Variants in PPP6R3 observed in about 807,000 individuals in gnomAD.
PPP6R3 encodes the protein protein phosphatase 6 regulatory subunit 3.
PPP6R3 carries 38 observed loss-of-function variants against 110.7 expected under a neutral mutation model. That is an observed-to-expected ratio of 0.34 (90% CI 0.26 to 0.45). PPP6R3 has a LOEUF of 0.45. Among genes scored for constraint, PPP6R3 ranks in the 20% least tolerant of loss-of-function variants. PPP6R3 has a pLI of 1.00. For missense variants in PPP6R3, 870 were observed against 1,062.4 expected (o/e 0.82, Z 2.52); for synonymous variants, 369 against 373.5 (o/e 0.99, Z 0.14).
chr11:68,609,156 G>T (rs1183962401), intron 22 of PPP6R3, among the ~76,000 whole-genome samples: 1 of 152,188 alleles, frequency 6.6e-6, no homozygotes, highest in Non-Finnish European at 1.5e-5. Context: ...ACAGAGCTGA[G>T]GAGAGTGTCT....
At chr11:68,473,552 T>G (rs1238042014) in intron 1 of PPP6R3, among the ~76,000 whole-genome samples, 1 of 152,224 alleles carries the variant, frequency 6.6e-6, no homozygotes, top group Non-Finnish European at 1.5e-5. Context: ...AGTTTATAGC[T>G]GTTGCGGGGG....
chr11:68,477,881 T>C (rs2098847033), intron 1 of PPP6R3, among the ~76,000 whole-genome samples: 4 of 151,204 alleles, frequency 2.6e-5, no homozygotes, highest in Non-Finnish European at 1.5e-5. Context: ...CACTCAGTTT[T>C]TGCTTTTCAT....
chr11:68,553,989 TTGTGA>T (rs750444978), intron 6 of PPP6R3, among the ~76,000 whole-genome samples, 151 bp from the exon 7 acceptor site: 18 of 152,386 alleles, frequency 1.2e-4, no homozygotes, highest in African/African-American at 2.2e-4. Context: ...AATACAATAC[TTGTGA>T]TGTGATCTCT....
rs1457841656 is a variant in PPP6R3, at chr11:68,475,832, C to T, written c.-158+15005C>T. Among the ~76,000 whole-genome samples, 74 of 150,420 alleles carry T rather than the reference C, an allele frequency of 4.9e-4. 1 individual carries two copies. The highest frequency in any genetic ancestry group is 6.9e-3 in the Middle Eastern group (2 of 290). On this transcript the variant is annotated intron_variant, in intron 1 of 23. Coordinates refer to ENST00000393800, the MANE Select transcript of PPP6R3 (RefSeq NM_001164161.2). ...CTCCTCACTTCTCAGACGGGGTGGC[C>T]GGGCAGAGACGCTCCTCACCTCCCA... is the stretch of plus-strand genomic sequence containing the variant.
In PPP6R3 at chr11:68,609,978, C is replaced by T. The variant is rs34009811; in HGVS notation, c.2525C>T (p.Ala842Val). Reference protein sequence around the residue: ...DAEECPETAEAKCAAPRPPSS... With the variant: ...DAEECPETAEVKCAAPRPPSS... ...GAGGAGTGTCCCGAGACTGCAGAGG[C>T]GAAGTGCGCGGCGCCCAGGCCTCCC... The change falls in exon 23 of 24, where the codon GCG becomes GTG. Residue 842 changes from alanine (A) to valine (V), a missense_variant. Ala to Val is a moderately conservative substitution (Grantham distance 64, BLOSUM62 0). Coordinates refer to ENST00000393800, the MANE Select transcript of PPP6R3 (RefSeq NM_001164161.2). 11,760 of 1,614,100 alleles carry T rather than the reference C, an allele frequency of 7.3e-3. 776 individuals carry two copies. In the African/African-American group the frequency reaches 0.14, roughly 19 times the overall value.
chr11:68,501,134 CTT>C (rs1207445757), intron 1 of PPP6R3, among the ~76,000 whole-genome samples: 2 of 152,282 alleles, frequency 1.3e-5, no homozygotes, highest in Admixed American at 1.3e-4. Context: ...CTTTCCTTCT[CTT>C]GTTGCCAGTT....
intron 1 of PPP6R3, among the ~76,000 whole-genome samples, chr11:68,495,506 C>T (rs1221975056): frequency 2.0e-5 from 3 of 152,132 alleles, no homozygotes; most frequent in East Asian, 1.9e-4. Flanking sequence ...TCTCTCATCC[C>T]GCTAGACCTA....
chr11:68,471,954 C>T (rs536433303), intron 1 of PPP6R3, among the ~76,000 whole-genome samples: 11 of 151,072 alleles, frequency 7.3e-5, no homozygotes, highest in African/African-American at 2.4e-4. Flanking sequence ...TCTCAGCAGT[C>T]AGTGAGAATG....
chr11:68,499,124 T>G (rs959662054), intron 1 of PPP6R3, among the ~76,000 whole-genome samples: 2 of 152,216 alleles, frequency 1.3e-5, no homozygotes, highest in Non-Finnish European at 2.9e-5. Flanking sequence ...TTATCTTTTT[T>G]CTGTTTTTAT....
At chr11:68,514,240 AC>A (rs998980270) in intron 1 of PPP6R3, among the ~76,000 whole-genome samples, 1 of 151,862 alleles carries the variant, frequency 6.6e-6, no homozygotes, top group African/African-American at 2.4e-5. Flanking sequence ...AATGAAAAAA[AC>A]TTTTTTTTTT....
At chr11:68,523,451 T>C (rs1225362738) in intron 2 of PPP6R3, among the ~76,000 whole-genome samples, 4 of 152,216 alleles carry the variant, frequency 2.6e-5, no homozygotes, top group African/African-American at 9.6e-5. Context: ...AGACCTTCCA[T>C]GTCTGAAAAC....
intron 1 of PPP6R3, among the ~76,000 whole-genome samples, chr11:68,503,998 C>G (rs1179787469): frequency 6.6e-6 from 1 of 152,196 alleles, no homozygotes; most frequent in East Asian, 1.9e-4. Flanking sequence ...TGGAGAGCCA[C>G]TTGGCCATGT....
At chr11:68,482,789 T>A (rs944050547) in intron 1 of PPP6R3, among the ~76,000 whole-genome samples, 3 of 152,164 alleles carry the variant, frequency 2.0e-5, no homozygotes, top group Admixed American at 1.3e-4. Context: ...TGGTTTTGTG[T>A]CTCCTTTCTT....
In PPP6R3 at chr11:68,548,410, C is replaced by T. The variant is rs535010809; in HGVS notation, c.552+206C>T. Among the ~76,000 whole-genome samples the T allele has an allele frequency of 3.5e-5, 5 of 144,580 alleles. No homozygotes were observed. In the South Asian group the frequency reaches 1.1e-3, roughly 31 times the overall value. The allele number at this position is 144,580 out of a possible 152,430, so 94.9% of individuals were successfully genotyped here. Reference sequence around the variant, plus strand: ...GCAGAACTAGAATTTCAGATGGGCACATCCCTAGGTATGTAGGATGTTTTG... The same window carrying T: ...GCAGAACTAGAATTTCAGATGGGCATATCCCTAGGTATGTAGGATGTTTTG... On this transcript the variant is annotated intron_variant, in intron 5 of 23. Transcript: ENST00000393800.
chr11:68,596,689 G>C (rs2099614747), intron 19 of PPP6R3, among the ~76,000 whole-genome samples: 1 of 152,352 alleles, frequency 6.6e-6, no homozygotes, highest in East Asian at 1.9e-4. Context: ...AACTTGTCCA[G>C]CTGAGTGCTT....
At chr11:68,565,772 A>G (rs1389534979) in intron 9 of PPP6R3, among the ~76,000 whole-genome samples, 2 of 148,410 alleles carry the variant, frequency 1.3e-5, no homozygotes, top group African/African-American at 5.1e-5. Flanking sequence ...GTTTTACTGT[A>G]TGATATGTCT....
At chr11:68,461,204 C>A (rs1231307319) in intron 1 of PPP6R3, among the ~76,000 whole-genome samples, 2 of 151,508 alleles carry the variant, frequency 1.3e-5, no homozygotes, top group African/African-American at 4.8e-5. Context: ...AGTCTCGCCC[C>A]CCGCCCGGCC....
chr11:68,559,978 C>A (rs1253965944), intron 8 of PPP6R3, among the ~76,000 whole-genome samples: 1 of 143,534 alleles, frequency 7.0e-6, no homozygotes, highest in Non-Finnish European at 1.6e-5. Context: ...GGTACGGTGC[C>A]CTCTTCCCAC....
At chr11:68,591,889 T>C (rs984858361) in intron 18 of PPP6R3, among the ~76,000 whole-genome samples, 183 bp downstream of exon 18, 2 of 152,320 alleles carry the variant, frequency 1.3e-5, no homozygotes, top group South Asian at 4.1e-4. Flanking sequence ...AGTGATCTGC[T>C]GGGAAATGCT....
Sources: allele counts gnomAD v4.1 joint callset (sites outside exome capture counted in the v4.1 genomes callset), GRCh38; gene constraint gnomAD v4.1.1; transcripts MANE v1.5; gene names NCBI Gene and HGNC (gene_info 2026-07-23, HGNC 2026-07-21).